The following RAD51B variants were observed in gnomAD, a reference collection of about 807,000 sequenced individuals.
RAD51B encodes DNA repair protein RAD51 homolog 2.
A neutral mutation model predicts 42.2 loss-of-function variants in RAD51B; 38 were observed. The observed-to-expected ratio is 0.90, with a 90% CI of 0.70 to 1.18. The LOEUF (loss-of-function observed/expected upper bound fraction) is 1.18. Among genes scored for constraint, RAD51B ranks in the 50% most tolerant of loss-of-function variants. The pLI, the probability that RAD51B is intolerant of heterozygous loss-of-function variation, is 0.00. For synonymous variants in RAD51B, 154 were observed against 145.2 expected (o/e 1.06, Z -0.43); for missense variants, 373 against 400.7 (o/e 0.93, Z 0.59).
rs1330129791 is a variant in RAD51B, at chr14:68,159,853, T to G, written c.757-132031T>G. ...ATTTTCATTTTCCTATTTTTGGGAA[T>G]TATAAGCAGTCACTTATTAACCCAA... On this transcript the variant is annotated intron_variant, in intron 7 of 10. Coordinates refer to ENST00000471583, the MANE Select transcript of RAD51B (RefSeq NM_133510.4). Among the ~76,000 whole-genome samples the G allele has an allele frequency of 2.0e-5, 3 of 152,184 alleles. No individual in the cohort carries two copies. The East Asian group carries it at 5.8e-4, about 29-fold the overall frequency.
chr14:68,406,735 C>A (rs1209196380), intron 8 of RAD51B, among the ~76,000 whole-genome samples: 3 of 152,138 alleles, frequency 2.0e-5, no homozygotes, highest in Non-Finnish European at 2.9e-5. Context: ...AATTTTTTAA[C>A]TTTTTGATCT....
chr14:68,363,693 T>G (rs2083079578), intron 8 of RAD51B, among the ~76,000 whole-genome samples: 1 of 152,220 alleles, frequency 6.6e-6, no homozygotes, highest in South Asian at 2.1e-4. Context: ...GAAGGTAAAA[T>G]GCATACATGC....
chr14:68,160,640 C>T (rs2078618536), intron 7 of RAD51B, among the ~76,000 whole-genome samples: 2 of 152,272 alleles, frequency 1.3e-5, no homozygotes, highest in African/African-American at 4.8e-5. Flanking sequence ...TATATCTTGA[C>T]TACTGAGTTT....
At chr14:68,584,324 G>T (rs1229601024) in intron 10 of RAD51B, among the ~76,000 whole-genome samples, 1 of 152,194 alleles carries the variant, frequency 6.6e-6, no homozygotes, top group African/African-American at 2.4e-5. Context: ...TAAGCCAATG[G>T]CTGAGGGTCC....
chr14:68,354,722 AT>A (rs61065386), intron 8 of RAD51B, among the ~76,000 whole-genome samples: 2,867 of 149,504 alleles, frequency 0.019, 91 homozygotes, highest in African/African-American at 0.061. Context: ...TTATTTTTTA[AT>A]TTTTTTTTTT....
At chr14:68,337,039 G>A (rs945039541) in intron 8 of RAD51B, among the ~76,000 whole-genome samples, 2 of 152,176 alleles carry the variant, frequency 1.3e-5, no homozygotes, top group Non-Finnish European at 2.9e-5. Context: ...TAGTAAGAGG[G>A]TGATTTCATT....
At chr14:68,471,394 T>C (rs1388463815) in intron 10 of RAD51B, among the ~76,000 whole-genome samples, 1 of 151,872 alleles carries the variant, frequency 6.6e-6, no homozygotes, top group Non-Finnish European at 1.5e-5. Context: ...CCTGAAGAAC[T>C]CCTGAGTGCT....
intron 7 of RAD51B, among the ~76,000 whole-genome samples, chr14:68,219,473 T>G (rs2079881645): frequency 6.6e-6 from 1 of 152,164 alleles, no homozygotes; most frequent in African/African-American, 2.4e-5. Context: ...GAGCAGGTAC[T>G]GGTATCCTCG....
intron 10 of RAD51B, among the ~76,000 whole-genome samples, chr14:68,606,286 G>T (rs944826414): frequency 6.6e-6 from 1 of 152,122 alleles, no homozygotes; most frequent in African/African-American, 2.4e-5. Context: ...GCCAAGCCAG[G>T]CTTCTTAGGG....
intron 9 of RAD51B, 90 bp from the exon 10 acceptor site, chr14:68,468,082 T>A (rs1437142250): frequency 2.7e-6 from 3 of 1,129,906 alleles, no homozygotes; most frequent in African/African-American, 3.1e-5. Flanking sequence ...AGTCCTATGT[T>A]ACCACTTTGT....
At position 67,887,092 on chromosome 14, in the gene RAD51B, T is replaced by C; in HGVS notation, c.644T>C (p.Val215Ala). The C allele has an allele frequency of 6.3e-7, 1 of 1,588,706 alleles. No individual in the cohort carries two copies. Among genetic ancestry groups the C allele is most frequent in the South Asian group, 1.1e-5 (1 of 89,152 alleles). The change falls in exon 7 of 11, where the codon GTG (valine) becomes GCG (alanine). Residue 215 changes from valine to alanine, a missense_variant. Physicochemically the swap from Val to Ala is moderately conservative, Grantham distance 64. Transcript: ENST00000471583. Reference protein sequence around the residue: ...KLVILDSVASVVRKEFDAQLQ... With the variant: ...KLVILDSVASAVRKEFDAQLQ... ...GTGATTCTTGACTCTGTTGCTTCTG[T>C]GGTCAGAAAGGAGTTTGATGCACAA...
At chr14:68,015,097 T>C (rs2075755272) in intron 7 of RAD51B, among the ~76,000 whole-genome samples, 1 of 152,182 alleles carries the variant, frequency 6.6e-6, no homozygotes, top group African/African-American at 2.4e-5. Flanking sequence ...TCAGTCTGCT[T>C]TTCTGTAAAA....
intron 7 of RAD51B, among the ~76,000 whole-genome samples, chr14:68,214,522 A>T (rs1412208395): frequency 6.6e-6 from 1 of 152,182 alleles, no homozygotes; most frequent in Non-Finnish European, 1.5e-5. Flanking sequence ...ATTCTTTTGA[A>T]ATCAGTTAAG....
At chr14:68,541,860 C>T in intron 10 of RAD51B, 1 of 966,014 alleles carries the variant, frequency 1.0e-6, no homozygotes, top group Non-Finnish European at 1.2e-6. Context: ...CAAAACAAGC[C>T]TCATCTCATC....
rs2074881934 is a variant in RAD51B at position 67,970,780 on chromosome 14, A to AT, written c.756+83582dup. Among the ~76,000 whole-genome samples the AT allele has an allele frequency of 2.6e-5, 4 of 152,062 alleles. No homozygotes were observed. The South Asian group carries it at 6.2e-4, about 24-fold the overall frequency. ...TTTTTGTTGATGCAGAACAGCAGTA[A>AT]TTTTTTCTCTTTAAAGGAAAAATAA... On this transcript the variant is annotated intron_variant, in intron 7 of 10. Transcript: ENST00000471583.
intron 10 of RAD51B, among the ~76,000 whole-genome samples, chr14:68,623,587 T>G (rs955529272): frequency 2.6e-5 from 4 of 152,196 alleles, no homozygotes; most frequent in African/African-American, 7.2e-5. Context: ...GGGTGCCTTT[T>G]CTAACTTGTA....
chr14:68,060,674 A>G (rs1407533488), intron 7 of RAD51B, among the ~76,000 whole-genome samples: 1 of 152,230 alleles, frequency 6.6e-6, no homozygotes, highest in East Asian at 1.9e-4. Flanking sequence ...TGGGAATAAG[A>G]AGACACTGAA....
chr14:68,169,782 G>T (rs2078832027), intron 7 of RAD51B, among the ~76,000 whole-genome samples: 1 of 152,078 alleles, frequency 6.6e-6, no homozygotes, highest in Non-Finnish European at 1.5e-5. Context: ...GGCGTATTTT[G>T]AATTAGAGGT....
intron 10 of RAD51B, among the ~76,000 whole-genome samples, chr14:68,553,183 C>A (rs1029319895): frequency 1.3e-5 from 2 of 152,222 alleles, no homozygotes; most frequent in Admixed American, 1.3e-4. Flanking sequence ...GTACCATGAT[C>A]AGTTTAACCA....
Sources: gnomAD v4.1 joint callset for allele counts (sites outside exome capture counted in the v4.1 genomes callset) on GRCh38, gnomAD v4.1.1 for gene constraint, MANE v1.5 for transcripts, NCBI Gene and HGNC (gene_info 2026-07-23, HGNC 2026-07-21) for gene names.